Variants in GAL3ST2 observed in about 807,000 individuals in gnomAD.
GAL3ST2 encodes galactose-3-O-sulfotransferase 2, also known as beta-galactose-3-O-sulfotransferase 2.
GAL3ST2 carries 16 observed loss-of-function variants against 12.9 expected under a neutral mutation model. That is an observed-to-expected ratio of 1.24 (90% confidence interval 0.84 to 1.88). The LOEUF is 1.88. Ranked by LOEUF, GAL3ST2 falls within the 40% of genes most tolerant of loss-of-function variation. The pLI is 0.00. For synonymous variants in GAL3ST2, 302 were observed against 273.9 expected, an observed-to-expected ratio of 1.10 and a Z score of -1.01; for missense variants, 639 against 571.8, an observed-to-expected ratio of 1.12 and a Z score of -1.20.
Position 241,803,362 on chromosome 2 carries a change from C to T in GAL3ST2, c.393C>T (p.Pro131=). 1.2e-6 allele frequency: 2 copies of T among 1,602,538 alleles called. No homozygotes were observed. Among genetic ancestry groups the T allele is most frequent in the South Asian group, 2.2e-5 (2 of 90,324 alleles). The change falls in exon 4 of 4, where the codon CCC becomes CCT. Residue 131 remains proline, a synonymous_variant. Transcript: ENST00000192314. ...CCACACAGGTGCAGAAAGTCATGCCCAACGACACCTTCTACTTCTCCATCC... is the reference window on the plus strand; with the variant it reads ...CCACACAGGTGCAGAAAGTCATGCCTAACGACACCTTCTACTTCTCCATCC... ...FNLPQVQKVM[P]NDTFYFSILR...
chr2:241,794,339 T>C (rs781237505), intron 1 of GAL3ST2, among the ~76,000 whole-genome samples: 3 of 152,228 alleles, frequency 2.0e-5, no homozygotes, highest in Non-Finnish European at 4.4e-5. Flanking sequence ...ACTGCTGTCC[T>C]GCAGGCGCTC....
rs886646454 is a variant in GAL3ST2 at position 241,800,561 on chromosome 2, A to C, written c.120-1220A>C. Among the ~76,000 whole-genome samples, 4 of 152,314 alleles carry C rather than the reference A, an allele frequency of 2.6e-5. No homozygotes were observed. In the South Asian group the frequency reaches 8.3e-4, roughly 32 times the overall value. ...TAACTGCGTTACAATCAGGCCCTGC[A>C]CGTCAGAAGGTGGAGCCGGGACGGG... is the stretch of plus-strand genomic sequence containing the variant. On this transcript the variant is annotated intron_variant, in intron 2 of 3. Transcript: ENST00000192314. The surrounding 1 kb of genome is among the most constrained non-coding windows in gnomAD (Gnocchi z 5.2).
chr2:241,777,311 G>A (rs1029211100), intron 1 of GAL3ST2, among the ~76,000 whole-genome samples: 2 of 152,188 alleles, frequency 1.3e-5, no homozygotes, highest in Admixed American at 1.3e-4. Flanking sequence ...CTGGGCTTGG[G>A]ACCTCCCAGC....
intron 1 of GAL3ST2, among the ~76,000 whole-genome samples, chr2:241,781,468 CA>C (rs1224519142): frequency 6.6e-6 from 1 of 151,868 alleles, no homozygotes; most frequent in South Asian, 2.1e-4. Flanking sequence ...TAAAGAGGAC[CA>C]AAACAAGACA....
chr2:241,779,941 G>A (rs1416044520), intron 1 of GAL3ST2, among the ~76,000 whole-genome samples: 1 of 151,684 alleles, frequency 6.6e-6, no homozygotes, highest in African/African-American at 2.4e-5. Context: ...AGCCGAGATC[G>A]TGCCATTGCA....
At chr2:241,781,737 T>G (rs1699570020) in intron 1 of GAL3ST2, among the ~76,000 whole-genome samples, 1 of 152,266 alleles carries the variant, frequency 6.6e-6, no homozygotes, top group Admixed American at 6.5e-5. Flanking sequence ...CTGTATAACT[T>G]TTATACCAAA....
rs1341274488 is a variant in GAL3ST2, at chr2:241,793,778, TTTGTGTGTGTGTGTA to T, written c.30-5276_30-5262del. On this transcript the variant is annotated intron_variant, in intron 1 of 3. Transcript: ENST00000192314. The surrounding 1 kb of genome is among the most constrained non-coding windows in gnomAD (Gnocchi z 4.7). Reference sequence around the variant, plus strand: ...TATTGTGTATGTGTAGTGTGTATTATTTGTGTGTGTGTGTATTGTGTGTGTATGTTTGTGTGTGTG... The same window carrying T: ...TATTGTGTATGTGTAGTGTGTATTATTTGTGTGTGTATGTTTGTGTGTGTG... Among the ~76,000 whole-genome samples, 2 of 151,814 alleles carry T rather than the reference TTTGTGTGTGTGTGTA, an allele frequency of 1.3e-5. No homozygotes were observed. The highest frequency in any genetic ancestry group is 6.6e-5 in the Admixed American group (1 of 15,230).
At chr2:241,779,917 C>G (rs180712563) in intron 1 of GAL3ST2, among the ~76,000 whole-genome samples, 73 of 150,490 alleles carry the variant, frequency 4.9e-4, no homozygotes, top group African/African-American at 1.7e-3. Context: ...ACCTGGGAAG[C>G]GGAGGTTGCG....
Position 241,803,504 on chromosome 2 carries a change from A to G in GAL3ST2, c.535A>G (p.Asn179Asp), listed in dbSNP as rs1182168063. The G allele has an allele frequency of 7.4e-6, 12 of 1,611,266 alleles. No individual in the cohort carries two copies. The highest frequency in any genetic ancestry group is 8.5e-6 in the Non-Finnish European group (10 of 1,179,188). The change falls in exon 4 of 4, where the codon AAC becomes GAC. Residue 179 changes from asparagine to aspartate, a missense_variant. Physicochemically the swap from Asn to Asp is conservative, Grantham distance 23. Transcript: ENST00000192314. ...CCTGGCCTCGCCGCGGACGTTCTAC[A>G]ACGACAGCCGCCACCTCAGGAACGT... ...AFLASPRTFY[N>D]DSRHLRNVYA...
In GAL3ST2 at chr2:241,803,768, GAGACCC is replaced by G; in HGVS notation, c.800_805del (p.Glu267_Arg269delinsGly). 2 of 1,508,124 alleles carry G rather than the reference GAGACCC, an allele frequency of 1.3e-6. No homozygotes were observed. The highest frequency in any genetic ancestry group is 1.8e-6 in the Non-Finnish European group (2 of 1,134,698). The allele number at this position is 1,508,124 out of a possible 1,614,324, so 93.4% of individuals were successfully genotyped here. A position where few individuals can be genotyped will look rare whatever the true frequency, so the allele number is the denominator to read the frequency against. ...GCGCTCCGTGGCCCGCCTGTCGCCC[GAGACCC>G]GGGAGCGCGCGCGGAGCTGGTGCGC... On this transcript the variant is annotated inframe_deletion, in exon 4 of 4. Transcript: ENST00000192314.
chr2:241,793,204 G>C lies in GAL3ST2; in HGVS notation c.30-5861G>C, dbSNP rs1447834917. 6.6e-6 allele frequency among the ~76,000 whole-genome samples: 1 copy of C among 152,184 alleles called. No individual in the cohort carries two copies. The highest frequency in any genetic ancestry group is 6.5e-5 in the Admixed American group (1 of 15,276). On this transcript the variant is annotated intron_variant, in intron 1 of 3. Coordinates refer to ENST00000192314, the MANE Select transcript of GAL3ST2 (RefSeq NM_022134.3). This position sits in a 1 kb window ranked among gnomAD's most constrained non-coding sequence, Gnocchi z 4.7. ...GCTTTCTAAATTAACTGAAACCTAT[G>C]AACCTCCCAAATCTGAGACAGGTCT... is the stretch of plus-strand genomic sequence containing the variant.
intron 1 of GAL3ST2, among the ~76,000 whole-genome samples, chr2:241,796,034 G>A (rs770266817): frequency 6.0e-4 from 91 of 152,356 alleles, no homozygotes; most frequent in Middle Eastern, 6.8e-3. Context: ...GAGGTGCCGC[G>A]TGTGCCGTGA....
At position 241,803,370 on chromosome 2, in the gene GAL3ST2, C is replaced by T; in HGVS notation, c.401C>T (p.Thr134Ile). 1 of 1,606,274 alleles carries T rather than the reference C, an allele frequency of 6.2e-7. No individual in the cohort carries two copies. The highest frequency in any genetic ancestry group is 1.1e-5 in the South Asian group (1 of 90,620). Residue 134 changes from threonine to isoleucine, a missense_variant, in exon 4 of 4, where the codon ACC (threonine) becomes ATC (isoleucine). By Grantham distance (89) the Thr-to-Ile change is moderately conservative. Coordinates refer to ENST00000192314, the MANE Select transcript of GAL3ST2 (RefSeq NM_022134.3). ...GTGCAGAAAGTCATGCCCAACGACA[C>T]CTTCTACTTCTCCATCCTGAGGAAC... ...PQVQKVMPND[T>I]FYFSILRNPV...
Position 241,802,227 on chromosome 2 carries a change from CTGCCGT to C in GAL3ST2, c.375+195_375+200del, listed in dbSNP as rs1161739210. On this transcript the variant is annotated intron_variant, in intron 3 of 3. Coordinates refer to ENST00000192314, the MANE Select transcript of GAL3ST2 (RefSeq NM_022134.3). This position sits in a 1 kb window ranked among gnomAD's most constrained non-coding sequence, Gnocchi z 4.8. ...CCTGCCCCTCCAGGCGGCCAGTCGC[CTGCCGT>C]TGCTCTTGGAATGAGACCTGGGAGC... 2.0e-5 allele frequency among the ~76,000 whole-genome samples: 3 copies of C among 152,182 alleles called. No individual in the cohort carries two copies. The highest frequency in any genetic ancestry group is 7.2e-5 in the African/African-American group (3 of 41,448).
intron 1 of GAL3ST2, among the ~76,000 whole-genome samples, chr2:241,780,874 C>G (rs1477870373): frequency 2.0e-5 from 3 of 152,176 alleles, no homozygotes; most frequent in Non-Finnish European, 4.4e-5. Context: ...GGTCAGGAAC[C>G]CTGTTCGGGG....
rs536561066 is a variant in GAL3ST2 at position 241,781,797 on chromosome 2, G to A, written c.29+4813G>A. 3.9e-5 allele frequency among the ~76,000 whole-genome samples: 6 copies of A among 152,290 alleles called. No homozygotes were observed. The East Asian group carries it at 1.2e-3, about 29-fold the overall frequency. On this transcript the variant is annotated intron_variant, in intron 1 of 3. Transcript: ENST00000192314. The stretch of plus-strand genomic sequence containing the variant: ...ACTTTAGCAAACCTAATGTCTTAAA[G>A]GATTAATTAGGTCAGAAAAAGACGT...
Position 241,797,166 on chromosome 2 carries a change from T to A in GAL3ST2, c.30-1899T>A, listed in dbSNP as rs903023548. ...GAGCTGCCGCGCCTGGCCTGAAACA[T>A]TACGTGTTTGCCAGATTTGTCTTTC... On this transcript the variant is annotated intron_variant, in intron 1 of 3. Coordinates refer to ENST00000192314, the MANE Select transcript of GAL3ST2 (RefSeq NM_022134.3). Among the ~76,000 whole-genome samples, 5 of 152,196 alleles carry A rather than the reference T, an allele frequency of 3.3e-5. No homozygotes were observed. The East Asian group carries it at 9.6e-4, about 29-fold the overall frequency.
chr2:241,793,457 CGTGTGTATGT>C lies in GAL3ST2; in HGVS notation c.30-5605_30-5596del, dbSNP rs1358611313. On this transcript the variant is annotated intron_variant, in intron 1 of 3. Coordinates refer to ENST00000192314, the MANE Select transcript of GAL3ST2 (RefSeq NM_022134.3). The surrounding 1 kb of genome is among the most constrained non-coding windows in gnomAD (Gnocchi z 4.7). Reference sequence around the variant, plus strand: ...TACGTGTATGTATGTACTGTGTATGCGTGTGTATGTGTATGCATGTGTATTATATGTACAT... The same window carrying C: ...TACGTGTATGTATGTACTGTGTATGCGTATGCATGTGTATTATATGTACAT... Among the ~76,000 whole-genome samples, 4 of 147,470 alleles carry C rather than the reference CGTGTGTATGT, an allele frequency of 2.7e-5. No individual in the cohort carries two copies. The highest frequency in any genetic ancestry group is 5.9e-5 in the Non-Finnish European group (4 of 67,408).
Position 241,801,895 on chromosome 2 carries a change from C to A in GAL3ST2, c.234C>A (p.His78Gln), listed in dbSNP as rs1302366452. The part of the protein sequence containing the change: ...LNILYRFAET[H>Q]NLSVALPAGS... ...TCCTCTACCGCTTCGCCGAGACCCA[C>A]AACCTGTCCGTGGCGCTGCCCGCCG... The change falls in exon 3 of 4, where the codon CAC (histidine) becomes CAA (glutamine). Residue 78 changes from histidine to glutamine, a missense_variant. His to Gln is a conservative substitution (Grantham distance 24, BLOSUM62 0). Transcript: ENST00000192314. This position sits in a 1 kb window ranked among gnomAD's most constrained non-coding sequence, Gnocchi z 4.4. The A allele has an allele frequency of 6.2e-7, 1 of 1,612,926 alleles. No individual in the cohort carries two copies. The highest frequency in any genetic ancestry group is 1.7e-5 in the Admixed American group (1 of 60,002).
Sources: gnomAD v4.1 joint callset for allele counts (sites outside exome capture counted in the v4.1 genomes callset) on GRCh38, gnomAD v4.1.1 for gene constraint, Gnocchi (gnomAD v3.1) non-coding constraint, MANE v1.5 for transcripts, NCBI Gene and HGNC (gene_info 2026-07-23, HGNC 2026-07-21) for gene names.